The following CHODL variants were observed in gnomAD, a reference collection of about 807,000 sequenced individuals.
CHODL encodes the protein chondrolectin, also known as transmembrane protein MT75.
A neutral mutation model predicts 34.5 loss-of-function variants in CHODL; 29 were observed. That is an observed-to-expected ratio of 0.84 (90% CI 0.63 to 1.15). The LOEUF is 1.15. Among genes scored for constraint, CHODL ranks in the 50% most tolerant of loss-of-function variants. The probability of loss-of-function intolerance (pLI) is 0.00; values close to 1 mark genes in which losing one functional copy is unlikely to be tolerated. For missense variants in CHODL, 332 were observed against 332.5 expected, an observed-to-expected ratio of 1.00 and a Z score of 0.01; for synonymous variants, 125 against 116.1, an observed-to-expected ratio of 1.08 and a Z score of -0.49.
At chr21:18,250,419 A>C (rs1039995980) in intron 1 of CHODL, among the ~76,000 whole-genome samples, 12 of 152,130 alleles carry the variant, frequency 7.9e-5, no homozygotes, top group Admixed American at 7.2e-4. Context: ...AAATGACCAC[A>C]ACCTACATTT....
At chr21:18,162,519 T>G (rs909261) in intron 2 of CHODL, among the ~76,000 whole-genome samples, 138,164 of 151,606 alleles carry the variant, frequency 0.91, 63,544 homozygotes, top group Non-Finnish European at 0.96. Context: ...TAAGGACACT[T>G]GTCACGTTGG....
intron 2 of CHODL, among the ~76,000 whole-genome samples, chr21:18,181,855 T>A (rs2073386617): frequency 6.6e-6 from 1 of 152,224 alleles, no homozygotes; most frequent in South Asian, 2.1e-4. Flanking sequence ...CTCCTCCATG[T>A]TGTAACATAT....
chr21:18,062,697 C>T (rs1301060744), intron 2 of CHODL, among the ~76,000 whole-genome samples: 5 of 152,016 alleles, frequency 3.3e-5, no homozygotes, highest in Admixed American at 1.3e-4. Flanking sequence ...ACCCAGGAGA[C>T]GGAGGTTGCA....
chr21:18,132,272 C>T (rs1251222814), intron 2 of CHODL, among the ~76,000 whole-genome samples: 1 of 151,972 alleles, frequency 6.6e-6, no homozygotes, highest in Non-Finnish European at 1.5e-5. Context: ...GAAAATGTTT[C>T]TAAAAAGCTA....
At chr21:18,064,765 G>GCA (rs1193120283) in intron 2 of CHODL, among the ~76,000 whole-genome samples, 3 of 151,794 alleles carry the variant, frequency 2.0e-5, no homozygotes, top group East Asian at 1.9e-4. Flanking sequence ...ACACACATGC[G>GCA]CGCACACACA....
chr21:18,262,724 T>A (rs1169252123), intron 4 of CHODL, 67 bp from the exon 5 acceptor site: 5 of 882,514 alleles, frequency 5.7e-6, no homozygotes, highest in African/African-American at 3.3e-5. Flanking sequence ...TGAAACATTC[T>A]TACATATTTT....
In CHODL at chr21:17,972,566, C is replaced by T. The variant is rs149267494; in HGVS notation, c.-145+55166C>T. ...AATTGCTACAAAGAGGATAAAACAC[C>T]TAGGAATCCGACTTACAAGGGATGT... On this transcript the variant is annotated intron_variant, in intron 1 of 6. Coordinates refer to the CHODL transcript ENST00000400127. 2.1e-3 allele frequency among the ~76,000 whole-genome samples: 327 copies of T among 152,218 alleles called. 2 individuals carry two copies. The highest frequency in any genetic ancestry group is 7.4e-3 in the African/African-American group (308 of 41,510).
At chr21:17,973,853 C>T (rs565630960) in intron 1 of CHODL, among the ~76,000 whole-genome samples, 5 of 150,376 alleles carry the variant, frequency 3.3e-5, no homozygotes, top group African/African-American at 7.3e-5. Context: ...GAATTAGTAA[C>T]ACTATTCTTT....
chr21:18,232,874 G>C (rs556863345), intron 2 of CHODL, among the ~76,000 whole-genome samples: 1 of 147,134 alleles, frequency 6.8e-6, no homozygotes, highest in Non-Finnish European at 1.5e-5. Context: ...AAATTATATA[G>C]TCAAAATAAT....
At chr21:18,009,540 ATAATT>A (rs928619311) in intron 1 of CHODL, among the ~76,000 whole-genome samples, 8 of 152,182 alleles carry the variant, frequency 5.3e-5, no homozygotes, top group Non-Finnish European at 1.0e-4. Context: ...AAAAGAATCT[ATAATT>A]TAAGACTCCA....
Position 17,986,934 on chromosome 21 carries a change from T to C in CHODL, c.-144-40938T>C, listed in dbSNP as rs537635142. ...TGCCGAAAATAGGTGCCTGGAAGAG[T>C]AGACCATGGTAGATGGCCATGGGTG... On this transcript the variant is annotated intron_variant, in intron 1 of 6. Transcript: ENST00000400127. 1.1e-3 allele frequency among the ~76,000 whole-genome samples: 165 copies of C among 152,130 alleles called. 1 individual carries two copies. The highest frequency in any genetic ancestry group is 1.7e-3 in the Non-Finnish European group (114 of 67,998).
chr21:18,233,968 C>A (rs113094000), intron 2 of CHODL, among the ~76,000 whole-genome samples: 7 of 151,924 alleles, frequency 4.6e-5, no homozygotes. Flanking sequence ...GAATGATATT[C>A]CAGATTATAT....
Position 18,010,294 on chromosome 21 carries a change from T to C in CHODL, c.-144-17578T>C, listed in dbSNP as rs1480381516. On this transcript the variant is annotated intron_variant, in intron 1 of 6. Transcript: ENST00000400127. ...CCTGGGCGACAGAGCAAGACTCCCG[T>C]CTCAAAAAAAAAAAAAAAAAAAAAA... 1.8e-4 allele frequency among the ~76,000 whole-genome samples: 6 copies of C among 33,056 alleles called. No homozygotes were observed. In the Admixed American group the frequency reaches 3.0e-3, roughly 16 times the overall value. 21.7% of individuals were successfully genotyped at this position (33,056 alleles called of 152,430 possible). A position where few individuals can be genotyped will look rare whatever the true frequency, so the allele number is the denominator to read the frequency against.
intron 2 of CHODL, among the ~76,000 whole-genome samples, chr21:18,201,020 G>A (rs542943504): frequency 6.6e-6 from 1 of 152,204 alleles, no homozygotes; most frequent in South Asian, 2.1e-4. Context: ...CTTCAGAATC[G>A]TGAATAAATA....
At position 18,138,488 on chromosome 21, in the gene CHODL, TATC is replaced by T. The variant is rs144518065; in HGVS notation, c.-45+110520_-45+110522del. On this transcript the variant is annotated intron_variant, in intron 2 of 6. Transcript: ENST00000400127. Reference sequence around the variant, plus strand: ...ATTAAAATGTGACAGCTTTTTCTGTTATCATATTTATAGTCATATTGATGGAGA... The same window carrying T: ...ATTAAAATGTGACAGCTTTTTCTGTTATATTTATAGTCATATTGATGGAGA... Among the ~76,000 whole-genome samples the T allele has an allele frequency of 3.5e-3, 536 of 152,326 alleles. 3 individuals are homozygous for T. The highest frequency in any genetic ancestry group is 0.013 in the African/African-American group (521 of 41,568).
intron 2 of CHODL, among the ~76,000 whole-genome samples, chr21:18,060,947 T>C (rs1339588568): frequency 6.6e-6 from 1 of 152,144 alleles, no homozygotes; most frequent in Non-Finnish European, 1.5e-5. Flanking sequence ...GGAAGAAATC[T>C]CCGAAGCTCG....
intron 2 of CHODL, among the ~76,000 whole-genome samples, chr21:18,129,764 A>T (rs2072629694): frequency 6.6e-6 from 1 of 152,148 alleles, no homozygotes; most frequent in Admixed American, 6.5e-5. Context: ...ACAAGTTCTG[A>T]TAATACAAAA....
At chr21:17,977,604 C>T (rs571250306) in intron 1 of CHODL, among the ~76,000 whole-genome samples, 5 of 145,950 alleles carry the variant, frequency 3.4e-5, no homozygotes, top group Non-Finnish European at 7.5e-5. Flanking sequence ...TCGTGATTCA[C>T]CTGCCTCGGC....
intron 2 of CHODL, among the ~76,000 whole-genome samples, chr21:18,221,909 C>G (rs1010780542): frequency 3.3e-5 from 5 of 152,174 alleles, no homozygotes; most frequent in Non-Finnish European, 1.5e-5. Context: ...CTGGTAGTGT[C>G]AATGAATGGT....
Sources: allele counts gnomAD v4.1 joint callset (sites outside exome capture counted in the v4.1 genomes callset), GRCh38; gene constraint gnomAD v4.1.1; transcripts MANE v1.5; gene names NCBI Gene and HGNC (gene_info 2026-07-23, HGNC 2026-07-21).